The following EPHA3 variants were observed in gnomAD, a reference collection of about 807,000 sequenced individuals.
EPHA3 encodes EPH receptor A3, also known as ephrin type-A receptor 3.
In EPHA3, 42 loss-of-function variants were observed where a neutral mutation model predicts 107.1. The observed-to-expected ratio is 0.39, with a 90% CI of 0.31 to 0.51. The LOEUF is 0.51. Ranked by LOEUF, EPHA3 falls within the 20% of genes least tolerant of loss-of-function variation. EPHA3 has a pLI of 0.78. For missense variants in EPHA3, 1,183 were observed against 1,211.2 expected, an observed-to-expected ratio of 0.98 and a Z score of 0.35; for synonymous variants, 461 against 424.8, an observed-to-expected ratio of 1.09 and a Z score of -1.05.
chr3:89,198,910 A>G (rs1398946102), intron 2 of EPHA3, among the ~76,000 whole-genome samples: 1 of 152,202 alleles, frequency 6.6e-6, no homozygotes, highest in Non-Finnish European at 1.5e-5. Context: ...ATCTTAGCAC[A>G]GTTTTCAGTC....
intron 14 of EPHA3, among the ~76,000 whole-genome samples, chr3:89,449,738 A>G (rs909666418): frequency 2.6e-5 from 4 of 152,164 alleles, no homozygotes; most frequent in African/African-American, 9.6e-5. Context: ...ATTTTACAGC[A>G]CTTAGGATTT....
intron 2 of EPHA3, among the ~76,000 whole-genome samples, chr3:89,195,699 G>T (rs1705822687): frequency 6.6e-6 from 1 of 151,978 alleles, no homozygotes; most frequent in African/African-American, 2.4e-5. Context: ...CTGGGTGTTG[G>T]GTATCAGTAA....
At chr3:89,175,630 C>T (rs1015603263) in intron 2 of EPHA3, among the ~76,000 whole-genome samples, 8 of 152,098 alleles carry the variant, frequency 5.3e-5, no homozygotes, top group African/African-American at 9.6e-5. Context: ...AGATTATAGG[C>T]GTTGAAGTTC....
At chr3:89,451,880 C>CGTGTGTGTGTGTGTGTGTGTGTGTGTTT (rs1709998736) in intron 15 of EPHA3, among the ~76,000 whole-genome samples, 1 of 144,186 alleles carries the variant, frequency 6.9e-6, no homozygotes, top group African/African-American at 2.5e-5. Context: ...TCAAGCAGGG[C>CGTGTGTGTGTGTGTGTGTGTGTGTGTTT]GTGTGTGTGT....
chr3:89,302,432 G>C (rs1296202488), intron 3 of EPHA3, among the ~76,000 whole-genome samples: 3 of 152,088 alleles, frequency 2.0e-5, no homozygotes, highest in Non-Finnish European at 2.9e-5. Context: ...GTGGGAGGTA[G>C]AAAATTCTTT....
intron 5 of EPHA3, among the ~76,000 whole-genome samples, chr3:89,384,230 C>A (rs936733919): frequency 6.6e-6 from 1 of 151,846 alleles, no homozygotes; most frequent in Non-Finnish European, 1.5e-5. Flanking sequence ...TTTGTGGAAA[C>A]CAGTGAATTA....
chr3:89,376,430 C>T (rs1708406354), intron 5 of EPHA3, among the ~76,000 whole-genome samples: 2 of 151,556 alleles, frequency 1.3e-5, no homozygotes, highest in South Asian at 4.2e-4. Flanking sequence ...GTATGTCCTC[C>T]AAGTTGTACC....
In EPHA3 at chr3:89,397,315, G is replaced by A. The variant is rs148828252; in HGVS notation, c.1431+1354G>A. Among the ~76,000 whole-genome samples the A allele has an allele frequency of 5.5e-3, 834 of 152,132 alleles. 7 individuals carry two copies. Among genetic ancestry groups the A allele is most frequent in the African/African-American group, 0.019 (788 of 41,504 alleles). On this transcript the variant is annotated intron_variant, in intron 6 of 16. Transcript: ENST00000336596. ...ACTGTGGTAAAGTCAAATACTCATA[G>A]GATTGTGATCTATTTTCAGAAGTGT...
chr3:89,130,829 G>T (rs1576170546), intron 2 of EPHA3, among the ~76,000 whole-genome samples: 1 of 151,900 alleles, frequency 6.6e-6, no homozygotes, highest in Non-Finnish European at 1.5e-5. Flanking sequence ...GTAGAGACGG[G>T]GTTTCACCGT....
intron 5 of EPHA3, among the ~76,000 whole-genome samples, chr3:89,353,817 A>T (rs753678491): frequency 3.3e-5 from 5 of 151,390 alleles, no homozygotes; most frequent in Non-Finnish European, 5.9e-5. Flanking sequence ...ACAAAATGGA[A>T]CATGAGCTAA....
intron 2 of EPHA3, among the ~76,000 whole-genome samples, chr3:89,161,045 C>A (rs1185784384): frequency 3.3e-5 from 5 of 152,074 alleles, no homozygotes; most frequent in African/African-American, 1.2e-4. Flanking sequence ...AAGGATGTTA[C>A]CATCTGAGTG....
intron 5 of EPHA3, among the ~76,000 whole-genome samples, chr3:89,359,483 G>T (rs968112831): frequency 2.7e-5 from 4 of 150,400 alleles, no homozygotes; most frequent in African/African-American, 9.7e-5. Flanking sequence ...TAGCTGTCTT[G>T]TTGGGTAGTA....
At chr3:89,342,121 A>G in intron 5 of EPHA3, 31 bp downstream of exon 5, 2 of 1,566,362 alleles carry the variant, frequency 1.3e-6, no homozygotes, top group South Asian at 1.2e-5. Flanking sequence ...TCTTACTCTT[A>G]TCATATCACG....
chr3:89,271,981 T>A (rs1705680187), intron 3 of EPHA3, among the ~76,000 whole-genome samples: 1 of 152,044 alleles, frequency 6.6e-6, no homozygotes, highest in Non-Finnish European at 1.5e-5. Flanking sequence ...CCACTCCCAT[T>A]TAATAAATAG....
chr3:89,249,520 G>A (rs1363716340), intron 3 of EPHA3, among the ~76,000 whole-genome samples: 1 of 152,066 alleles, frequency 6.6e-6, no homozygotes, highest in Non-Finnish European at 1.5e-5. Flanking sequence ...GAATGCAGTG[G>A]CACAATCTCT....
chr3:89,203,024 A>G (rs1232123079), intron 2 of EPHA3, among the ~76,000 whole-genome samples: 2 of 152,138 alleles, frequency 1.3e-5, no homozygotes, highest in Non-Finnish European at 2.9e-5. Context: ...ACCAGATGGG[A>G]TAAGGGCTGA....
Position 89,480,705 on chromosome 3 carries a change from G to T in EPHA3, c.*1203G>T, listed in dbSNP as rs1407339030. 1 of 232,364 alleles carries T rather than the reference G, an allele frequency of 4.3e-6. No homozygotes were observed. The highest frequency in any genetic ancestry group is 5.6e-5 in the Admixed American group (1 of 17,730). The allele number at this position is 232,364 out of a possible 1,614,324, so 14.4% of individuals were successfully genotyped here. ...ACTTGCTGAGCTGTTTATAGAGAAT[G>T]ATGATAACAGAACTTTTCCTCTGTA... On this transcript the variant is annotated 3_prime_UTR_variant, in exon 17 of 17. Coordinates refer to ENST00000336596, the MANE Select transcript of EPHA3 (RefSeq NM_005233.6).
intron 3 of EPHA3, among the ~76,000 whole-genome samples, chr3:89,313,729 A>C (rs1292737132): frequency 2.0e-5 from 3 of 151,930 alleles, no homozygotes. Flanking sequence ...TGTGACTTTT[A>C]AACAATTTGA....
chr3:89,285,002 T>C (rs1706044950), intron 3 of EPHA3, among the ~76,000 whole-genome samples: 1 of 152,052 alleles, frequency 6.6e-6, no homozygotes, highest in South Asian at 2.1e-4. Context: ...GGTGGGAGCC[T>C]GTAATCCTGG....
Sources: allele counts gnomAD v4.1 joint callset (sites outside exome capture counted in the v4.1 genomes callset), GRCh38; gene constraint gnomAD v4.1.1; transcripts MANE v1.5; gene names NCBI Gene and HGNC (gene_info 2026-07-23, HGNC 2026-07-21).